SNX24: variants seen among roughly 807,000 people sequenced by gnomAD.
The protein encoded by SNX24 is sorting nexin 24, also known as sorting nexin-24.
In SNX24, 22 loss-of-function variants were observed where a neutral mutation model predicts 28.7. That is an observed-to-expected ratio of 0.77 (90% CI 0.55 to 1.10). The LOEUF is 1.10. SNX24 is among the 50% of genes least tolerant of loss of function. The pLI is 0.00. For synonymous variants in SNX24, 69 were observed against 71.5 expected (o/e 0.96, Z 0.18); for missense variants, 221 against 201.1 (o/e 1.10, Z -0.60).
At chr5:122,974,185 C>T (rs1447548278) in intron 3 of SNX24, among the ~76,000 whole-genome samples, 1 of 152,198 alleles carries the variant, frequency 6.6e-6, no homozygotes, top group African/African-American at 2.4e-5. Flanking sequence ...AGGCCCCACA[C>T]CACTGGACCC....
chr5:122,950,531 C>G (rs919512481), intron 3 of SNX24, among the ~76,000 whole-genome samples: 1 of 152,210 alleles, frequency 6.6e-6, no homozygotes, highest in Non-Finnish European at 1.5e-5. Flanking sequence ...CAGTTCCAGA[C>G]CTCACCTACT....
intron 1 of SNX24, among the ~76,000 whole-genome samples, chr5:122,919,914 T>C (rs147684166): frequency 6.6e-6 from 1 of 152,320 alleles, no homozygotes; most frequent in African/African-American, 2.4e-5. Context: ...CCCAATTTAT[T>C]TGTCACATTA....
intron 1 of SNX24, among the ~76,000 whole-genome samples, chr5:122,857,162 C>G (rs1167249016): frequency 6.6e-6 from 1 of 152,012 alleles, no homozygotes; most frequent in African/African-American, 2.4e-5. Flanking sequence ...CAGGTGCACA[C>G]CACCACGCCC....
At chr5:122,879,473 C>T (rs1756380522) in intron 1 of SNX24, among the ~76,000 whole-genome samples, 1 of 152,126 alleles carries the variant, frequency 6.6e-6, no homozygotes, top group Non-Finnish European at 1.5e-5. Flanking sequence ...GAATATTGTT[C>T]TTGTGGTTGC....
intron 3 of SNX24, chr5:122,998,441 G>T (rs765720985): frequency 6.6e-6 from 1 of 152,160 alleles, no homozygotes; most frequent in African/African-American, 2.4e-5. Context: ...ATGTCCCAGT[G>T]CCTAACATAA....
intron 1 of SNX24, among the ~76,000 whole-genome samples, chr5:122,888,313 G>A (rs936519101): frequency 2.0e-5 from 3 of 152,104 alleles, no homozygotes; most frequent in African/African-American, 7.2e-5. Flanking sequence ...TATCCGTTAG[G>A]GAGGGAGAGA....
chr5:122,888,061 T>G (rs184834223), intron 1 of SNX24, among the ~76,000 whole-genome samples: 2 of 152,248 alleles, frequency 1.3e-5, no homozygotes, highest in Non-Finnish European at 2.9e-5. Flanking sequence ...CCTATATATG[T>G]TTCATTTGAC....
At chr5:122,956,089 T>C (rs1056188630) in intron 3 of SNX24, among the ~76,000 whole-genome samples, 25 of 152,192 alleles carry the variant, frequency 1.6e-4, no homozygotes, top group African/African-American at 5.5e-4. Flanking sequence ...GGGCATTTCC[T>C]GGTTGCCACC....
chr5:122,947,894 A>T (rs1181626393), intron 3 of SNX24, among the ~76,000 whole-genome samples: 1 of 152,210 alleles, frequency 6.6e-6, no homozygotes, highest in African/African-American at 2.4e-5. Flanking sequence ...ATTACTACTC[A>T]GTGTAAACAT....
intron 1 of SNX24, among the ~76,000 whole-genome samples, chr5:122,909,836 A>G (rs1757802885): frequency 6.6e-6 from 1 of 152,162 alleles, no homozygotes; most frequent in African/African-American, 2.4e-5. Context: ...ATAAATACTT[A>G]CCAAAGGAAT....
At chr5:122,863,410 A>G (rs896014405) in intron 1 of SNX24, among the ~76,000 whole-genome samples, 3 of 152,036 alleles carry the variant, frequency 2.0e-5, no homozygotes, top group African/African-American at 7.2e-5. Flanking sequence ...ATAGAGAGTG[A>G]TAAGAGATAA....
At chr5:122,959,494 C>A (rs190224698) in intron 3 of SNX24, among the ~76,000 whole-genome samples, 4 of 151,932 alleles carry the variant, frequency 2.6e-5, no homozygotes, top group Admixed American at 2.6e-4. Context: ...CTCGGCCTCC[C>A]AAAATGCTAG....
At chr5:122,951,246 G>C (rs560363031) in intron 3 of SNX24, among the ~76,000 whole-genome samples, 54 of 122,580 alleles carry the variant, frequency 4.4e-4, no homozygotes, top group African/African-American at 1.7e-3. Context: ...CAGCCTGGGC[G>C]ACAGAGTGAG....
chr5:122,931,247 A>G (rs1479804818), intron 1 of SNX24, among the ~76,000 whole-genome samples: 1 of 152,198 alleles, frequency 6.6e-6, no homozygotes, highest in East Asian at 1.9e-4. Flanking sequence ...ACGTGACTTC[A>G]GGCTCAAAGT....
In SNX24 at chr5:123,008,556, TA is replaced by T. The variant is rs11407516; in HGVS notation, c.*825del. 0.011 allele frequency: 1,536 copies of T among 136,710 alleles called. 16 individuals carry two copies. The highest frequency in any genetic ancestry group is 0.027 in the African/African-American group (1,010 of 37,250). 8.5% of individuals were successfully genotyped at this position (136,710 alleles called of 1,614,324 possible). A position where few individuals can be genotyped will look rare whatever the true frequency, so the allele number is the denominator to read the frequency against. On this transcript the variant is annotated 3_prime_UTR_variant, in exon 7 of 7. Coordinates refer to ENST00000261369, the MANE Select transcript of SNX24 (RefSeq NM_014035.4). ...GGTGTTTGTTTAGGGGCCATTTTGT[TA>T]AAAAAAAAAAAAAAAAAGCACATAA... is the stretch of plus-strand genomic sequence containing the variant.
intron 2 of SNX24, 41 bp from the exon 3 acceptor site, chr5:122,946,014 G>GTTTTTT (rs574269067): frequency 2.5e-5 from 22 of 877,736 alleles, no homozygotes; most frequent in South Asian, 1.4e-4. Context: ...AGACATCTCT[G>GTTTTTT]TTTTTTTTTT....
intron 5 of SNX24, chr5:123,023,843 C>A (rs966611319): frequency 1.2e-6 from 2 of 1,607,130 alleles, no homozygotes; most frequent in East Asian, 4.5e-5. Context: ...CACACCCCTG[C>A]CAAAGCATAT....
At chr5:122,873,684 C>T (rs918207746) in intron 1 of SNX24, among the ~76,000 whole-genome samples, 5 of 151,988 alleles carry the variant, frequency 3.3e-5, no homozygotes, top group African/African-American at 1.2e-4. Flanking sequence ...CTGTACTGAG[C>T]CCTGGAGGTG....
At chr5:122,971,929 C>A (rs948855050) in intron 3 of SNX24, among the ~76,000 whole-genome samples, 7 of 152,154 alleles carry the variant, frequency 4.6e-5, no homozygotes, top group Non-Finnish European at 8.8e-5. Context: ...AGGGTCTGGG[C>A]CATTTGTAGT....
Sources: gnomAD v4.1 joint callset for allele counts (sites outside exome capture counted in the v4.1 genomes callset) on GRCh38, gnomAD v4.1.1 for gene constraint, MANE v1.5 for transcripts, NCBI Gene and HGNC (gene_info 2026-07-23, HGNC 2026-07-21) for gene names.